The following EYS variants were observed in gnomAD, a reference collection of about 807,000 sequenced individuals.
EYS encodes EGF-like photoreceptor maintenance factor.
A neutral mutation model predicts 282.1 loss-of-function variants in EYS; 250 were observed. That is an observed-to-expected ratio of 0.89 (90% CI 0.80 to 0.98). The LOEUF (loss-of-function observed/expected upper bound fraction) is 0.98. Among genes scored for constraint, EYS ranks in the 50% least tolerant of loss-of-function variants. EYS has a pLI of 0.00. For synonymous variants in EYS, 1,355 were observed against 1,282.9 expected (o/e 1.06, Z -1.20); for missense variants, 4,016 against 3,709.0 (o/e 1.08, Z -2.15).
At chr6:64,265,990 T>G (rs1767744510) in intron 30 of EYS, among the ~76,000 whole-genome samples, 2 of 152,066 alleles carry the variant, frequency 1.3e-5, no homozygotes, top group South Asian at 2.1e-4. Context: ...ACTTTTCAGA[T>G]TCAGGTACTC....
At chr6:64,231,921 A>G (rs1766436340) in intron 30 of EYS, among the ~76,000 whole-genome samples, 1 of 152,200 alleles carries the variant, frequency 6.6e-6, no homozygotes, top group Non-Finnish European at 1.5e-5. Flanking sequence ...ACAATTAAAC[A>G]TAATAAATTT....
At chr6:64,210,193 A>G (rs557081650) in intron 31 of EYS, among the ~76,000 whole-genome samples, 91 of 152,310 alleles carry the variant, frequency 6.0e-4, no homozygotes, top group African/African-American at 2.2e-3. Context: ...TGGAAAATCG[A>G]TCATTAGCAT....
rs545826980 is a variant in EYS, at chr6:63,978,273, C to T, written c.7055+6110G>A. The stretch of plus-strand genomic sequence containing the variant: ...TCTTACCGAAAACCTGGTTAGCTTT[C>T]CCCGCCACCTGTTTCTCTAGCAACA... On this transcript the variant is annotated intron_variant, in intron 35 of 42. Coordinates refer to ENST00000503581, the MANE Select transcript of EYS (RefSeq NM_001142800.2). Among the ~76,000 whole-genome samples, 5 of 152,060 alleles carry T rather than the reference C, an allele frequency of 3.3e-5. No individual in the cohort carries two copies. In the East Asian group the frequency reaches 7.8e-4, roughly 24 times the overall value.
intron 26 of EYS, among the ~76,000 whole-genome samples, chr6:64,586,185 G>C (rs942249866): frequency 2.0e-5 from 3 of 151,986 alleles, no homozygotes; most frequent in African/African-American, 7.2e-5. Context: ...GTGCTTGATG[G>C]GGTGAGTTCA....
chr6:64,439,370 A>G lies in EYS; in HGVS notation c.5645-18T>C. On this transcript the variant is annotated intron_variant, in intron 26 of 42. Transcript: ENST00000503581. ...ACTGAAATCTGTGGAGTCAGAAAGA[A>G]AATACAATTTAGGTTGAAATAAATA... 1 of 1,452,254 alleles carries G rather than the reference A, an allele frequency of 6.9e-7. No individual in the cohort carries two copies. Among genetic ancestry groups the G allele is most frequent in the African/African-American group, 1.5e-5 (1 of 67,688 alleles). The allele number at this position is 1,452,254 out of a possible 1,614,324, so 90.0% of individuals were successfully genotyped here.
intron 19 of EYS, among the ~76,000 whole-genome samples, chr6:64,877,953 C>A (rs1474530777): frequency 1.3e-5 from 2 of 152,100 alleles, no homozygotes; most frequent in Non-Finnish European, 2.9e-5. Context: ...ATAAATGAGG[C>A]TGGGTGCAGT....
At chr6:65,598,588 C>T (rs1011834456) in intron 2 of EYS, among the ~76,000 whole-genome samples, 1 of 152,044 alleles carries the variant, frequency 6.6e-6, no homozygotes, top group Admixed American at 6.6e-5. Flanking sequence ...CTCCATTTGC[C>T]AACATACTTT....
At chr6:64,110,193 T>C (rs939018593) in intron 31 of EYS, among the ~76,000 whole-genome samples, 3 of 152,098 alleles carry the variant, frequency 2.0e-5, no homozygotes, top group South Asian at 4.1e-4. Flanking sequence ...AAAGTAAGCA[T>C]GGAGGAAATT....
chr6:65,655,026 G>C (rs927044244), intron 1 of EYS, among the ~76,000 whole-genome samples: 1 of 143,978 alleles, frequency 6.9e-6, no homozygotes, highest in Non-Finnish European at 1.5e-5. Context: ...TTTAGAGCAG[G>C]AATAAAATAT....
intron 2 of EYS, among the ~76,000 whole-genome samples, chr6:65,634,698 G>C (rs1413738396): frequency 1.3e-5 from 2 of 152,078 alleles, no homozygotes; most frequent in Non-Finnish European, 2.9e-5. Flanking sequence ...AACAACTGTG[G>C]AGTCATCCTT....
At chr6:65,456,391 A>G (rs1034275758) in intron 5 of EYS, among the ~76,000 whole-genome samples, 8 of 151,790 alleles carry the variant, frequency 5.3e-5, no homozygotes, top group African/African-American at 1.9e-4. Flanking sequence ...CGGAGGTTGC[A>G]GTGAGTCGAG....
intron 12 of EYS, among the ~76,000 whole-genome samples, chr6:65,221,231 C>T (rs535525045): frequency 2.6e-5 from 4 of 152,198 alleles, no homozygotes; most frequent in African/African-American, 9.6e-5. Context: ...AATGAGGAGC[C>T]AAATGTTAAT....
chr6:64,458,725 G>A (rs1255126947), intron 26 of EYS, among the ~76,000 whole-genome samples: 2 of 151,878 alleles, frequency 1.3e-5, no homozygotes, highest in Non-Finnish European at 2.9e-5. Flanking sequence ...AAAAATATTA[G>A]TAAAAACTTA....
At chr6:65,455,542 T>C (rs1483051762) in intron 5 of EYS, among the ~76,000 whole-genome samples, 1 of 151,830 alleles carries the variant, frequency 6.6e-6, no homozygotes, top group Non-Finnish European at 1.5e-5. Flanking sequence ...AAGACTCAAA[T>C]AAGTAAAATC....
Position 63,971,966 on chromosome 6 carries a change from G to A in EYS, c.7055+12417C>T, listed in dbSNP as rs575200911. Among the ~76,000 whole-genome samples the A allele has an allele frequency of 5.3e-5, 8 of 152,274 alleles. No individual in the cohort carries two copies. The East Asian group carries it at 1.5e-3, about 29-fold the overall frequency. On this transcript the variant is annotated intron_variant, in intron 35 of 42. Transcript: ENST00000503581. ...CTCAAAGACTTTCCCAATTGTTGCT[G>A]TACAGTCTTCCACTATAGAAGTCTT...
rs576674493 is a variant in EYS at position 64,265,736 on chromosome 6, T to C, written c.6192-34912A>G. On this transcript the variant is annotated intron_variant, in intron 30 of 42. Transcript: ENST00000503581. ...AAGTTAATTGACAACCAATTCCAGA[T>C]TTGAAAATGCTGTCCTGAGTATTAA... is the stretch of plus-strand genomic sequence containing the variant. Among the ~76,000 whole-genome samples the C allele has an allele frequency of 2.0e-5, 3 of 152,278 alleles. No individual in the cohort carries two copies. The East Asian group carries it at 5.8e-4, about 29-fold the overall frequency.
Position 63,841,135 on chromosome 6 carries a change from A to G in EYS, c.7228+23051T>C, listed in dbSNP as rs147296321. Among the ~76,000 whole-genome samples the G allele has an allele frequency of 3.3e-3, 498 of 152,316 alleles. 4 individuals are homozygous for G. Among genetic ancestry groups the G allele is most frequent in the African/African-American group, 0.011 (468 of 41,592 alleles). On this transcript the variant is annotated intron_variant, in intron 36 of 42. Coordinates refer to ENST00000503581, the MANE Select transcript of EYS (RefSeq NM_001142800.2). ...AATTAACATATCTTCCCAAGTGCTT[A>G]GGTTTGTTTAAATATAATTTTAGTC...
intron 9 of EYS, 40 bp from the exon 10 acceptor site, chr6:65,344,217 CA>C (rs1286083527): frequency 6.7e-7 from 1 of 1,492,926 alleles, no homozygotes; most frequent in Non-Finnish European, 9.3e-7. Context: ...TAAACTCTTA[CA>C]AACTTGAATT....
chr6:64,714,205 G>A (rs1471154678), intron 22 of EYS, among the ~76,000 whole-genome samples: 3 of 152,172 alleles, frequency 2.0e-5, no homozygotes, highest in Non-Finnish European at 4.4e-5. Flanking sequence ...ATTGCATGTA[G>A]TGGATGAGGG....
Sources: allele counts gnomAD v4.1 joint callset (sites outside exome capture counted in the v4.1 genomes callset), GRCh38; gene constraint gnomAD v4.1.1; transcripts MANE v1.5; gene names NCBI Gene and HGNC (gene_info 2026-07-23, HGNC 2026-07-21).